Variants in PCDHGA3 observed in about 807,000 individuals in gnomAD.
PCDHGA3 encodes protocadherin gamma subfamily A, 3.
A neutral mutation model predicts 58.5 loss-of-function variants in PCDHGA3; 40 were observed. The ratio of observed to expected loss-of-function variants is 0.68; its 90% CI spans 0.53 to 0.89. The LOEUF is 0.89. Among genes scored for constraint, PCDHGA3 ranks in the 40% least tolerant of loss-of-function variants. PCDHGA3 has a pLI of 0.00. For synonymous variants in PCDHGA3, 530 were observed against 525.7 expected (o/e 1.01, Z -0.11); for missense variants, 1,223 against 1,195.9 (o/e 1.02, Z -0.33).
rs1035284319 is a variant in PCDHGA3, at chr5:141,368,926, G to C, written c.2424+22469G>C. Among the ~76,000 whole-genome samples, 16 of 152,178 alleles carry C rather than the reference G, an allele frequency of 1.1e-4. 2 individuals are homozygous for C. The highest frequency in any genetic ancestry group is 5.2e-4 in the Admixed American group (8 of 15,270). On this transcript the variant is annotated intron_variant, in intron 1 of 3. Transcript: ENST00000253812. Reference sequence around the variant, plus strand: ...TGTATAAAGGTGACAATGAGTGTCTGTCTAGAATTCTGGTTACTGTGAGTA... The same window carrying C: ...TGTATAAAGGTGACAATGAGTGTCTCTCTAGAATTCTGGTTACTGTGAGTA...
chr5:141,456,884 A>G (rs1448469695), intron 1 of PCDHGA3, among the ~76,000 whole-genome samples: 1 of 151,974 alleles, frequency 6.6e-6, no homozygotes, highest in East Asian at 1.9e-4. Flanking sequence ...AATCGCTTGA[A>G]CCCGGGAGGC....
chr5:141,430,629 C>A, intron 1 of PCDHGA3: 1 of 812,246 alleles, frequency 1.2e-6, no homozygotes. Context: ...AGGAATGAAC[C>A]ATCCCTGGGA....
At position 141,511,241 on chromosome 5, in the gene PCDHGA3, C is replaced by T; in HGVS notation, c.*68C>T. On this transcript the variant is annotated 3_prime_UTR_variant, in exon 4 of 4. Transcript: ENST00000253812. ...CCAGCCCAGCTTCTCCTTACCTGCA[C>T]CCAGGCCTCAGAGTTTCAGGGCTAA... The T allele has an allele frequency of 2.5e-6, 4 of 1,585,214 alleles. No individual in the cohort carries two copies. Among genetic ancestry groups the T allele is most frequent in the Non-Finnish European group, 3.4e-6 (4 of 1,165,762 alleles).
At chr5:141,403,525 C>T (rs1427557410) in intron 1 of PCDHGA3, 1 of 1,614,002 alleles carries the variant, frequency 6.2e-7, no homozygotes, top group South Asian at 1.1e-5. Flanking sequence ...GAGCCATAAA[C>T]CCAGAGCTGG....
At chr5:141,451,832 G>A (rs1190124133) in intron 1 of PCDHGA3, among the ~76,000 whole-genome samples, 1 of 150,948 alleles carries the variant, frequency 6.6e-6, no homozygotes, top group Non-Finnish European at 1.5e-5. Context: ...AGTGAGCCGA[G>A]ATCACACCAC....
chr5:141,384,981 G>T (rs1780732379), intron 1 of PCDHGA3: 1 of 1,614,142 alleles, frequency 6.2e-7, no homozygotes, highest in Non-Finnish European at 8.5e-7. Context: ...TGTACCTGGT[G>T]GTGGCGGTGG....
Position 141,490,162 on chromosome 5 carries a change from A to C in PCDHGA3, c.2425-4645A>C. ...TGGGGCAATCCATGTGTTGGGTCCC[A>C]TAGACTTTGAGGAGTCACGTTTCTA... On this transcript the variant is annotated intron_variant, in intron 1 of 3. Coordinates refer to ENST00000253812, the MANE Select transcript of PCDHGA3 (RefSeq NM_018916.4). The surrounding 1 kb of genome is among the most constrained non-coding windows in gnomAD (Gnocchi z 5.4). The C allele has an allele frequency of 6.2e-7, 1 of 1,614,218 alleles. No individual in the cohort carries two copies. The highest frequency in any genetic ancestry group is 8.5e-7 in the Non-Finnish European group (1 of 1,180,028).
intron 1 of PCDHGA3, among the ~76,000 whole-genome samples, chr5:141,425,165 A>G (rs1391395593): frequency 6.6e-6 from 1 of 152,140 alleles, no homozygotes; most frequent in Non-Finnish European, 1.5e-5. Flanking sequence ...TAGGGATAGG[A>G]TTTATACTTG....
At chr5:141,504,017 T>G (rs1186684262) in intron 2 of PCDHGA3, among the ~76,000 whole-genome samples, 1 of 152,150 alleles carries the variant, frequency 6.6e-6, no homozygotes, top group Non-Finnish European at 1.5e-5. Context: ...TCTCTGCTGG[T>G]CTCTTCCCAC....
intron 1 of PCDHGA3, among the ~76,000 whole-genome samples, chr5:141,461,804 C>A (rs559757409): frequency 1.4e-3 from 212 of 152,036 alleles, no homozygotes; most frequent in African/African-American, 5.0e-3. Context: ...CAGGTGCCCA[C>A]CACCACACCC....
rs1023591745 is a variant in PCDHGA3 at position 141,432,912 on chromosome 5, G to T, written c.2425-61895G>T. 2.5e-6 allele frequency: 4 copies of T among 1,614,160 alleles called. No individual in the cohort carries two copies. Among genetic ancestry groups the T allele is most frequent in the Non-Finnish European group, 3.4e-6 (4 of 1,180,012 alleles). On this transcript the variant is annotated intron_variant, in intron 1 of 3. Transcript: ENST00000253812. The surrounding 1 kb of genome is among the most constrained non-coding windows in gnomAD (Gnocchi z 6.0). Reference sequence around the variant, plus strand: ...TTGCTGCTGGCGCTCAGGCTGCGGCGCTGGCACAAGTCACGCCTGCTGCAG... The same window carrying T: ...TTGCTGCTGGCGCTCAGGCTGCGGCTCTGGCACAAGTCACGCCTGCTGCAG...
chr5:141,489,405 G>A lies in PCDHGA3; in HGVS notation c.2425-5402G>A. ...ATGTTGCTCAGGATCTGGGCTTAAA[G>A]ATGACAGATCTGTTGAGCCGGCGGC... On this transcript the variant is annotated intron_variant, in intron 1 of 3. Transcript: ENST00000253812. This position sits in a 1 kb window ranked among gnomAD's most constrained non-coding sequence, Gnocchi z 4.5. The A allele has an allele frequency of 1.2e-6, 2 of 1,614,204 alleles. No individual in the cohort carries two copies. The highest frequency in any genetic ancestry group is 2.2e-5 in the South Asian group (2 of 91,088).
In PCDHGA3 at chr5:141,432,249, A is replaced by G; in HGVS notation, c.2425-62558A>G. The G allele has an allele frequency of 6.2e-7, 1 of 1,614,206 alleles. No individual in the cohort carries two copies. Among genetic ancestry groups the G allele is most frequent in the Non-Finnish European group, 8.5e-7 (1 of 1,180,044 alleles). On this transcript the variant is annotated intron_variant, in intron 1 of 3. Coordinates refer to ENST00000253812, the MANE Select transcript of PCDHGA3 (RefSeq NM_018916.4). The surrounding 1 kb of genome is among the most constrained non-coding windows in gnomAD (Gnocchi z 6.0). ...TATTCCCTGGCTGAGAACACCATCC[A>G]AGGGGCAAGCCTATCGTCCTACGTG...
In PCDHGA3 at chr5:141,415,024, G is replaced by A. The variant is rs1272655664; in HGVS notation, c.2424+68567G>A. On this transcript the variant is annotated intron_variant, in intron 1 of 3. Coordinates refer to ENST00000253812, the MANE Select transcript of PCDHGA3 (RefSeq NM_018916.4). ...GTCCTACCGTCTGCTCAAGGCCAGC[G>A]AGCCGGGACTCTTCGCGGTGGGGGA... 4.3e-6 allele frequency: 7 copies of A among 1,613,450 alleles called. 1 individual carries two copies. The highest frequency in any genetic ancestry group is 3.3e-5 in the Admixed American group (2 of 60,002).
chr5:141,507,915 G>A (rs1324577269), intron 3 of PCDHGA3, among the ~76,000 whole-genome samples: 2 of 152,224 alleles, frequency 1.3e-5, no homozygotes, highest in African/African-American at 4.8e-5. Flanking sequence ...AGCCAGGCCT[G>A]TGGGGCTGCT....
chr5:141,423,405 G>T (rs1444037259), intron 1 of PCDHGA3: 1 of 1,614,154 alleles, frequency 6.2e-7, no homozygotes, highest in African/African-American at 1.3e-5. Context: ...CACGCCTGCT[G>T]CAGGCTTCTG....
rs1369690575 is a variant in PCDHGA3, at chr5:141,357,368, G to A, written c.2424+10911G>A. 5.0e-6 allele frequency: 8 copies of A among 1,614,036 alleles called. No individual in the cohort carries two copies. In the South Asian group the frequency reaches 6.6e-5, roughly 13 times the overall value. On this transcript the variant is annotated intron_variant, in intron 1 of 3. Coordinates refer to ENST00000253812, the MANE Select transcript of PCDHGA3 (RefSeq NM_018916.4). ...AAGCTGAGACGCTGGCACAAGTCAC[G>A]CCTGCTTCACGCTGAAGGCAGCAGG... is the stretch of plus-strand genomic sequence containing the variant.
At chr5:141,351,606 A>G in intron 1 of PCDHGA3, 3 of 1,614,044 alleles carry the variant, frequency 1.9e-6, no homozygotes, top group Non-Finnish European at 2.5e-6. Flanking sequence ...CCTGTTTTCC[A>G]TCAGGCCTCC....
At chr5:141,471,963 T>C (rs2024084) in intron 1 of PCDHGA3, among the ~76,000 whole-genome samples, 27,680 of 152,068 alleles carry the variant, frequency 0.18, 3,629 homozygotes, top group African/African-American at 0.37. Context: ...GTGGGGTTGG[T>C]TGCATTACTG....
Sources: gnomAD v4.1 joint callset for allele counts (sites outside exome capture counted in the v4.1 genomes callset) on GRCh38, gnomAD v4.1.1 for gene constraint, Gnocchi (gnomAD v3.1) non-coding constraint, MANE v1.5 for transcripts, NCBI Gene and HGNC (gene_info 2026-07-23, HGNC 2026-07-21) for gene names.